The following IQGAP2 variants were observed in gnomAD, a reference collection of about 807,000 sequenced individuals.
IQGAP2 encodes the protein ras GTPase-activating-like protein IQGAP2.
In IQGAP2, 173 loss-of-function variants were observed where a neutral mutation model predicts 201.3. The observed-to-expected ratio is 0.86, with a 90% CI of 0.76 to 0.98. The LOEUF is 0.98. Among genes scored for constraint, IQGAP2 ranks in the 50% least tolerant of loss-of-function variants. IQGAP2 has a pLI of 0.00. For synonymous variants in IQGAP2, 675 were observed against 673.9 expected, an observed-to-expected ratio of 1.00 and a Z score of -0.03; for missense variants, 1,687 against 1,864.8, an observed-to-expected ratio of 0.90 and a Z score of 1.76.
chr5:76,618,711 G>A (rs1245528953), intron 13 of IQGAP2: 6 of 1,271,330 alleles, frequency 4.7e-6, no homozygotes, highest in African/African-American at 1.5e-5. Flanking sequence ...TTAATTATTT[G>A]TAAATAATTT....
At chr5:76,455,886 C>A (rs1192526595) in intron 1 of IQGAP2, among the ~76,000 whole-genome samples, 1 of 152,176 alleles carries the variant, frequency 6.6e-6, no homozygotes, top group Non-Finnish European at 1.5e-5. Flanking sequence ...CGCTTACAGC[C>A]TTGTCTAACC....
chr5:76,544,180 G>C (rs1328810379), intron 2 of IQGAP2, among the ~76,000 whole-genome samples: 1 of 152,110 alleles, frequency 6.6e-6, no homozygotes, highest in East Asian at 1.9e-4. Context: ...CTGCTGCTCT[G>C]ACCAAAAAGC....
At chr5:76,486,049 A>G (rs1231872633) in intron 2 of IQGAP2, among the ~76,000 whole-genome samples, 1 of 152,202 alleles carries the variant, frequency 6.6e-6, no homozygotes, top group Non-Finnish European at 1.5e-5. Flanking sequence ...GCCAAGGGCC[A>G]ATTAATGATA....
chr5:76,447,699 C>T (rs1341383954), intron 1 of IQGAP2, among the ~76,000 whole-genome samples: 1 of 152,122 alleles, frequency 6.6e-6, no homozygotes, highest in Non-Finnish European at 1.5e-5. Context: ...CCTGAGACCT[C>T]TGGGCTGTTA....
In IQGAP2 at chr5:76,683,865, A is replaced by G; in HGVS notation, c.3853A>G (p.Lys1285Glu). 6.2e-7 allele frequency: 1 copy of G among 1,613,592 alleles called. No homozygotes were observed. Among genetic ancestry groups the G allele is most frequent in the Non-Finnish European group, 8.5e-7 (1 of 1,179,724 alleles). ...KTEISLVLTSKYDIEDGEAID... is the reference protein window; with the variant it reads ...KTEISLVLTSEYDIEDGEAID... ...CGAGATTTCTCTTGTCTTGACAAGC[A>G]AATATGACATAGAGGACGGTGAAGC... The change falls in exon 30 of 36, where the codon AAA becomes GAA. Residue 1285 changes from lysine (K) to glutamate (E), a missense_variant. Transcript: ENST00000274364.
chr5:76,686,882 T>C (rs186899377), intron 30 of IQGAP2, among the ~76,000 whole-genome samples: 56 of 152,318 alleles, frequency 3.7e-4, no homozygotes, highest in Non-Finnish European at 5.3e-4. Context: ...TCTTTCTTCA[T>C]AGAATGGTCT....
chr5:76,419,179 C>G (rs989061700), intron 1 of IQGAP2, among the ~76,000 whole-genome samples: 1 of 152,008 alleles, frequency 6.6e-6, no homozygotes, highest in South Asian at 2.1e-4. Flanking sequence ...GCTCTGTTTT[C>G]TAGGCTGGAG....
chr5:76,554,956 A>T (rs1474781853), intron 2 of IQGAP2, among the ~76,000 whole-genome samples: 1 of 152,260 alleles, frequency 6.6e-6, no homozygotes, highest in African/African-American at 2.4e-5. Flanking sequence ...ATATATCCAT[A>T]CAATGAAACA....
chr5:76,511,563 G>C (rs1371689281), intron 2 of IQGAP2, among the ~76,000 whole-genome samples: 3 of 152,100 alleles, frequency 2.0e-5, no homozygotes, highest in East Asian at 1.9e-4. Context: ...TGGTTGAGTA[G>C]ACCAGTCATG....
chr5:76,528,651 A>G (rs1203931660), intron 2 of IQGAP2, among the ~76,000 whole-genome samples: 2 of 152,214 alleles, frequency 1.3e-5, no homozygotes, highest in East Asian at 3.8e-4. Context: ...GGTAACAGAA[A>G]TATCTGTGTC....
At chr5:76,458,317 C>T (rs1159129403) in intron 1 of IQGAP2, among the ~76,000 whole-genome samples, 1 of 152,062 alleles carries the variant, frequency 6.6e-6, no homozygotes. Flanking sequence ...GCAGTAAAGC[C>T]ACATCTTAAG....
chr5:76,498,916 G>A (rs756555473), intron 2 of IQGAP2, among the ~76,000 whole-genome samples: 4 of 152,236 alleles, frequency 2.6e-5, no homozygotes, highest in Non-Finnish European at 5.9e-5. Flanking sequence ...CAGGAGAGTT[G>A]TTACGGGGTG....
At chr5:76,700,287 G>A (rs866625294) in intron 33 of IQGAP2, among the ~76,000 whole-genome samples, 6 of 152,100 alleles carry the variant, frequency 3.9e-5, no homozygotes, top group Admixed American at 6.5e-5. Context: ...TCCTTAAGGT[G>A]GAATTAAGAG....
At chr5:76,687,927 G>A (rs1389577195) in intron 30 of IQGAP2, among the ~76,000 whole-genome samples, 1 of 152,054 alleles carries the variant, frequency 6.6e-6, no homozygotes, top group Non-Finnish European at 1.5e-5. Context: ...TCATCTTCCC[G>A]AAACCATCCC....
intron 27 of IQGAP2, among the ~76,000 whole-genome samples, chr5:76,676,144 A>G (rs545770256): frequency 4.0e-5 from 6 of 151,448 alleles, no homozygotes; most frequent in South Asian, 2.1e-4. Context: ...CATTTCCCAC[A>G]TTTCTCATGA....
chr5:76,447,341 C>T (rs1428779263), intron 1 of IQGAP2, among the ~76,000 whole-genome samples: 2 of 152,216 alleles, frequency 1.3e-5, no homozygotes, highest in African/African-American at 2.4e-5. Flanking sequence ...AGCCAATCAT[C>T]TATCGCCTGA....
intron 2 of IQGAP2, among the ~76,000 whole-genome samples, chr5:76,513,649 C>T (rs7737478): frequency 1 from 152,134 of 152,318 alleles, 75,978 homozygotes; most frequent in Middle Eastern, 1. Context: ...GTACATGACA[C>T]CGTGGAAAAG....
rs1747345487 is a variant in IQGAP2, at chr5:76,701,123, G to A, written c.4415G>A (p.Gly1472Glu). 1.2e-6 allele frequency: 2 copies of A among 1,614,106 alleles called. No homozygotes were observed. Among genetic ancestry groups the A allele is most frequent in the Non-Finnish European group, 1.7e-6 (2 of 1,179,950 alleles). ...IKLDGKGEPK[G>E]AKRAKPVKYT... ...CTAGATGGAAAAGGAGAACCCAAAG[G>A]GGCGAAGAGAGCGAAGCCAGTGAAG... Residue 1472 changes from glycine to glutamate, a missense_variant, in exon 34 of 36, where the codon GGG becomes GAG. Coordinates refer to ENST00000274364, the MANE Select transcript of IQGAP2 (RefSeq NM_006633.5).
At chr5:76,547,006 G>A (rs1743138782) in intron 2 of IQGAP2, among the ~76,000 whole-genome samples, 1 of 152,204 alleles carries the variant, frequency 6.6e-6, no homozygotes, top group Admixed American at 6.5e-5. Context: ...ACAGCTGGTA[G>A]TGGAGGTGGG....
Sources: gnomAD v4.1 joint callset for allele counts (sites outside exome capture counted in the v4.1 genomes callset) on GRCh38, gnomAD v4.1.1 for gene constraint, MANE v1.5 for transcripts, NCBI Gene and HGNC (gene_info 2026-07-23, HGNC 2026-07-21) for gene names.